Variants in CHAC2 observed in about 807,000 individuals in gnomAD.
The protein encoded by CHAC2 is glutathione-specific gamma-glutamylcyclotransferase 2.
A neutral mutation model predicts 16.9 loss-of-function variants in CHAC2; 20 were observed. The ratio of observed to expected loss-of-function variants is 1.18; its 90% CI spans 0.83 to 1.72. The LOEUF (loss-of-function observed/expected upper bound fraction) is 1.72. Ranked by LOEUF, CHAC2 falls within the 40% of genes most tolerant of loss-of-function variation. The pLI is 0.00. For synonymous variants in CHAC2, 91 were observed against 77.3 expected (o/e 1.18, Z -0.93); for missense variants, 269 against 222.2 (o/e 1.21, Z -1.34).
At chr2:53,771,985 A>C (rs1558574338) in intron 2 of CHAC2, 43 bp downstream of exon 2, 1 of 1,096,176 alleles carries the variant, frequency 9.1e-7, no homozygotes, top group South Asian at 1.6e-5. Flanking sequence ...TAATTTTATA[A>C]AATGTTGCGA....
At position 53,767,988 on chromosome 2, in the gene CHAC2, G is replaced by GGGCA; in HGVS notation, c.104_107dup (p.Ser36ArgfsTer20). The GGGCA allele has an allele frequency of 6.2e-7, 1 of 1,611,504 alleles. No individual in the cohort carries two copies. Among genetic ancestry groups the GGGCA allele is most frequent in the Non-Finnish European group, 8.5e-7 (1 of 1,177,692 alleles). Reference sequence around the variant, plus strand: ...CCAACTACAGCAGGCGCTTCTGGCAGGGCAGCACGGACCACCGCGGGGTCC... The same window carrying GGGCA: ...CCAACTACAGCAGGCGCTTCTGGCAGGGCAGGCAGCACGGACCACCGCGGGGTCC... On this transcript the variant is annotated frameshift_variant, in exon 1 of 3. Coordinates refer to ENST00000295304, the MANE Select transcript of CHAC2 (RefSeq NM_001008708.4). LOFTEE classifies it high-confidence loss of function.
chr2:53,771,446 G>C (rs1278407645), intron 1 of CHAC2, among the ~76,000 whole-genome samples: 11 of 152,118 alleles, frequency 7.2e-5, no homozygotes, highest in Non-Finnish European at 1.5e-4. Context: ...CCGAGAGTTG[G>C]AGGTTGCAGT....
chr2:53,768,261 G>T (rs1014715661), intron 1 of CHAC2: 5 of 470,600 alleles, frequency 1.1e-5, no homozygotes, highest in Non-Finnish European at 1.9e-5. Context: ...ACGGCGAGAA[G>T]CGCGGGCACA....
At position 53,774,390 on chromosome 2, in the gene CHAC2, A is replaced by G. The variant is rs1293887084; in HGVS notation, c.420A>G (p.Arg140=). The change falls in exon 3 of 3, where the codon AGA becomes AGG. Residue 140 remains arginine (R), a synonymous_variant. Coordinates refer to ENST00000295304, the MANE Select transcript of CHAC2 (RefSeq NM_001008708.4). ...TTAATGCAGCTGGTCCAAGTGGAAG[A>G]AATACAGAATATCTTTTTGAACTTG... is the stretch of plus-strand genomic sequence containing the variant. ...QIFNAAGPSG[R]NTEYLFELAN... 1 of 1,613,580 alleles carries G rather than the reference A, an allele frequency of 6.2e-7. No individual in the cohort carries two copies. The highest frequency in any genetic ancestry group is 8.5e-7 in the Non-Finnish European group (1 of 1,179,938).
chr2:53,774,463 T>C lies in CHAC2; in HGVS notation c.493T>C (p.Phe165Leu). 1 of 1,593,520 alleles carries C rather than the reference T, an allele frequency of 6.3e-7. No homozygotes were observed. The highest frequency in any genetic ancestry group is 8.5e-7 in the Non-Finnish European group (1 of 1,173,854). ...GCCAGAAGAAGCAGATGAGCATCTTTTCGCTTTGGAAAAATTAGTAAAGGA... is the reference window on the plus strand; with the variant it reads ...GCCAGAAGAAGCAGATGAGCATCTTCTCGCTTTGGAAAAATTAGTAAAGGA... ...LVPEEADEHL[F>L]ALEKLVKERL... The change falls in exon 3 of 3, where the codon TTC (phenylalanine) becomes CTC (leucine). Residue 165 changes from phenylalanine to leucine, a missense_variant. Physicochemically the swap from Phe to Leu is conservative, Grantham distance 22. Coordinates refer to ENST00000295304, the MANE Select transcript of CHAC2 (RefSeq NM_001008708.4).
At chr2:53,774,094 T>TTTTAA in intron 2 of CHAC2, 48 bp from the exon 3 acceptor site, 1 of 1,519,362 alleles carries the variant, frequency 6.6e-7, no homozygotes. Context: ...TCTTCACCTA[T>TTTTAA]TTTAATTAGC....
chr2:53,771,876 A>G, intron 1 of CHAC2, 31 bp from the exon 2 acceptor site: 1 of 1,435,554 alleles, frequency 7.0e-7, no homozygotes, highest in Non-Finnish European at 9.6e-7. Flanking sequence ...TTATTAATTC[A>G]GAAAAATTTT....
chr2:53,767,887 ATG>A lies in CHAC2; in HGVS notation c.4_5del (p.Trp2?), dbSNP rs1322091647. The A allele has an allele frequency of 1.9e-6, 3 of 1,609,258 alleles. No individual in the cohort carries two copies. The African/African-American group carries it at 4.0e-5, about 21-fold the overall frequency. [M>X]WVFGYGSLIW... ...ACTGGGGCAGAGGAGCCGCGAGAAG[ATG>A]TGGGTTTTTGGTTACGGGTCCCTGA... On this transcript the variant is annotated frameshift_variant and start_lost, in exon 1 of 3. Transcript: ENST00000295304. LOFTEE classifies it high-confidence loss of function.
rs781143265 is a variant in CHAC2 at position 53,774,468 on chromosome 2, T to C, written c.498T>C (p.Ala166=). 4.2e-5 allele frequency: 67 copies of C among 1,589,370 alleles called. No individual in the cohort carries two copies. The highest frequency in any genetic ancestry group is 5.5e-5 in the Non-Finnish European group (65 of 1,172,266). The change falls in exon 3 of 3, where the codon GCT becomes GCC. Residue 166 remains alanine (A), a synonymous_variant. Coordinates refer to ENST00000295304, the MANE Select transcript of CHAC2 (RefSeq NM_001008708.4). The part of the protein sequence containing the change: ...VPEEADEHLF[A]LEKLVKERLE... ...AAGAAGCAGATGAGCATCTTTTCGC[T>C]TTGGAAAAATTAGTAAAGGAACGTT...
chr2:53,768,359 G>C (rs532243200), intron 1 of CHAC2: 1 of 220,966 alleles, frequency 4.5e-6, no homozygotes, highest in Non-Finnish European at 8.9e-6. Context: ...TCCCATTGGC[G>C]GGAAGATGAA....
At position 53,768,117 on chromosome 2, in the gene CHAC2, C is replaced by A. The variant is rs1335196100; in HGVS notation, c.135+96C>A. 10 of 1,414,344 alleles carry A rather than the reference C, an allele frequency of 7.1e-6. No homozygotes were observed. In the East Asian group the frequency reaches 2.1e-4, roughly 30 times the overall value. The allele number at this position is 1,414,344 out of a possible 1,614,324, so 87.6% of individuals were successfully genotyped here. On this transcript the variant is annotated intron_variant, in intron 1 of 2. Coordinates refer to ENST00000295304, the MANE Select transcript of CHAC2 (RefSeq NM_001008708.4). The stretch of plus-strand genomic sequence containing the variant: ...CACACCCTAGAGAACCACACCTTAG[C>A]GCTTCATGGGGCCAAAGCACATGGC...
At chr2:53,769,172 A>G (rs1304309333) in intron 1 of CHAC2, among the ~76,000 whole-genome samples, 5 of 152,250 alleles carry the variant, frequency 3.3e-5, no homozygotes, top group African/African-American at 1.2e-4. Context: ...TTCTAGAACA[A>G]TATTCAAGAC....
chr2:53,773,861 C>A (rs531451488), intron 2 of CHAC2, among the ~76,000 whole-genome samples: 82 of 151,974 alleles, frequency 5.4e-4, no homozygotes, highest in Non-Finnish European at 1.1e-3. Flanking sequence ...GTGACAAAAC[C>A]CCTTCTCTAC....
chr2:53,768,222 C>A, intron 1 of CHAC2: 1 of 584,446 alleles, frequency 1.7e-6, no homozygotes, highest in Non-Finnish European at 2.9e-6. Context: ...TCCGAAGCTG[C>A]TTAAGATGCC....
chr2:53,773,869 T>C (rs1674133571), intron 2 of CHAC2, among the ~76,000 whole-genome samples: 1 of 151,956 alleles, frequency 6.6e-6, no homozygotes, highest in East Asian at 2.0e-4. Flanking sequence ...ACCCCTTCTC[T>C]ACTAAAAATA....
At chr2:53,768,709 T>A (rs1673675595) in intron 1 of CHAC2, among the ~76,000 whole-genome samples, 1 of 152,254 alleles carries the variant, frequency 6.6e-6, no homozygotes, top group Non-Finnish European at 1.5e-5. Context: ...ATGGTTCTCA[T>A]AATTATAATA....
intron 1 of CHAC2, among the ~76,000 whole-genome samples, chr2:53,769,817 G>A (rs544210352): frequency 6.6e-6 from 1 of 152,244 alleles, no homozygotes; most frequent in Non-Finnish European, 1.5e-5. Context: ...ACTCCAGCCT[G>A]AGCAACAAGA....
chr2:53,772,138 T>C (rs1281470468), intron 2 of CHAC2, among the ~76,000 whole-genome samples, 196 bp downstream of exon 2: 1 of 152,070 alleles, frequency 6.6e-6, no homozygotes, highest in Non-Finnish European at 1.5e-5. Flanking sequence ...GAGTGCAAGG[T>C]AGACAACAAC....
In CHAC2 at chr2:53,774,214, A is replaced by G. The variant is rs17851583; in HGVS notation, c.244A>G (p.Arg82Gly). The change falls in exon 3 of 3, where the codon AGA (arginine) becomes GGA (glycine). Residue 82 changes from arginine to glycine, a missense_variant. Physicochemically the swap from Arg to Gly is moderately radical, Grantham distance 125. Transcript: ENST00000295304. ...EEEVKAYLDF[R>G]EKGGYRTTTV... ...AGAAGTAAAAGCATACCTTGACTTC[A>G]GAGAAAAAGGAGGCTACAGAACCAC... 2 of 1,613,906 alleles carry G rather than the reference A, an allele frequency of 1.2e-6. No homozygotes were observed. The highest frequency in any genetic ancestry group is 1.1e-5 in the South Asian group (1 of 91,028).
Sources: allele counts gnomAD v4.1 joint callset (sites outside exome capture counted in the v4.1 genomes callset), GRCh38; gene constraint gnomAD v4.1.1; transcripts MANE v1.5; gene names NCBI Gene and HGNC (gene_info 2026-07-23, HGNC 2026-07-21).